SLC5A12: variants seen among roughly 807,000 people sequenced by gnomAD.
The protein encoded by SLC5A12 is sodium-coupled monocarboxylate transporter 2.
A neutral mutation model predicts 72.7 loss-of-function variants in SLC5A12; 46 were observed. That is an observed-to-expected ratio of 0.63 (90% confidence interval 0.50 to 0.81). SLC5A12 has a LOEUF of 0.81. Among genes scored for constraint, SLC5A12 ranks in the 30% least tolerant of loss-of-function variants. SLC5A12 has a pLI of 0.00. For missense variants in SLC5A12, 683 were observed against 740.7 expected, an observed-to-expected ratio of 0.92 and a Z score of 0.90; for synonymous variants, 275 against 264.4, an observed-to-expected ratio of 1.04 and a Z score of -0.39.
At chr11:26,685,084 T>C (rs1371748865) in intron 10 of SLC5A12, among the ~76,000 whole-genome samples, 1 of 152,156 alleles carries the variant, frequency 6.6e-6, no homozygotes, top group African/African-American at 2.4e-5. Flanking sequence ...ACAAGTTCTT[T>C]TATGTAGACA....
rs1159122908 is a variant in SLC5A12, at chr11:26,709,302, A to G, written c.525+10T>C. ...TAGTGTTAAATACTTCTTCACAGCT[A>G]GATACATACCAGGGTACAGTAGAAT... On this transcript the variant is annotated intron_variant, in intron 4 of 14. Transcript: ENST00000396005. 5.6e-6 allele frequency: 9 copies of G among 1,603,560 alleles called. No individual in the cohort carries two copies. The highest frequency in any genetic ancestry group is 7.7e-6 in the Non-Finnish European group (9 of 1,172,384).
intron 9 of SLC5A12, chr11:26,692,025 G>A (rs1167675995): frequency 6.4e-6 from 1 of 156,978 alleles, no homozygotes; most frequent in East Asian, 1.9e-4. Context: ...AGTTTGCAGG[G>A]GTGTCCAATC....
rs1855010486 is a variant in SLC5A12, at chr11:26,703,470, TATA to T, written c.821+58_821+60del. On this transcript the variant is annotated intron_variant, in intron 6 of 14. Transcript: ENST00000396005. ...CACCCCCCAAGAGGAAGTATTAATA[TATA>T]ATAAGTACCAAATAAGGTAAGATAA... The T allele has an allele frequency of 2.6e-6, 4 of 1,531,218 alleles. No individual in the cohort carries two copies. The Admixed American group carries it at 5.1e-5, about 20-fold the overall frequency. The allele number at this position is 1,531,218 out of a possible 1,614,324, so 94.9% of individuals were successfully genotyped here.
chr11:26,695,257 G>A (rs897348364), intron 8 of SLC5A12, among the ~76,000 whole-genome samples: 10 of 151,988 alleles, frequency 6.6e-5, no homozygotes, highest in Non-Finnish European at 2.9e-5. Context: ...TAATTAAGAA[G>A]AGGTATCAAA....
intron 3 of SLC5A12, among the ~76,000 whole-genome samples, chr11:26,709,780 G>C (rs1855178133): frequency 6.6e-6 from 1 of 152,012 alleles, no homozygotes; most frequent in Admixed American, 6.6e-5. Flanking sequence ...AAGACTCTTG[G>C]GCAGAAAGTC....
rs150563063 is a variant in SLC5A12 at position 26,668,793 on chromosome 11, A to G, written c.*2309T>C. 896 of 152,154 alleles carry G rather than the reference A, an allele frequency of 5.9e-3. 11 individuals carry two copies. Among genetic ancestry groups the G allele is most frequent in the African/African-American group, 0.021 (859 of 41,542 alleles). 9.4% of individuals were successfully genotyped at this position (152,154 alleles called of 1,614,324 possible). A position where few individuals can be genotyped will look rare whatever the true frequency, so the allele number is the denominator to read the frequency against. Reference sequence around the variant, plus strand: ...AATTTCATTACACAAGAGAAGGCAGAGATATTTTTATAATAATAATTGCAT... The same window carrying G: ...AATTTCATTACACAAGAGAAGGCAGGGATATTTTTATAATAATAATTGCAT... On this transcript the variant is annotated 3_prime_UTR_variant, in exon 15 of 15. Transcript: ENST00000396005.
intron 14 of SLC5A12, among the ~76,000 whole-genome samples, chr11:26,672,190 C>T (rs957988778): frequency 9.2e-5 from 14 of 152,132 alleles, no homozygotes; most frequent in African/African-American, 3.4e-4. Context: ...ACGTGGTGCT[C>T]TTGCCTCCTG....
chr11:26,723,025 G>A (rs1855509311), upstream of SLC5A12, among the ~76,000 whole-genome samples: 1 of 150,916 alleles, frequency 6.6e-6, no homozygotes, highest in Admixed American at 6.6e-5. Flanking sequence ...GAGTCTGTCA[G>A]CTGTTCAAAT....
intron 13 of SLC5A12, among the ~76,000 whole-genome samples, chr11:26,676,339 C>A: frequency 7.3e-6 from 1 of 137,290 alleles, no homozygotes. Flanking sequence ...AATAAATGGG[C>A]AAGCTCTGTT....
At chr11:26,692,896 C>T (rs1232833496) in intron 8 of SLC5A12, among the ~76,000 whole-genome samples, 2 of 151,566 alleles carry the variant, frequency 1.3e-5, no homozygotes, top group Non-Finnish European at 2.9e-5. Flanking sequence ...TAGCAGGCAG[C>T]ACCAGAGGAA....
At chr11:26,695,371 C>A (rs1213632186) in intron 8 of SLC5A12, among the ~76,000 whole-genome samples, 4 of 151,926 alleles carry the variant, frequency 2.6e-5, no homozygotes, top group Non-Finnish European at 5.9e-5. Flanking sequence ...TACTAGTTTA[C>A]AAAGAAAATA....
chr11:26,696,917 T>C (rs1854830196), intron 8 of SLC5A12, among the ~76,000 whole-genome samples: 1 of 152,202 alleles, frequency 6.6e-6, no homozygotes, highest in Non-Finnish European at 1.5e-5. Context: ...ATCCAGCCCC[T>C]GCAGTTTACT....
intron 2 of SLC5A12, among the ~76,000 whole-genome samples, 162 bp downstream of exon 2, chr11:26,712,479 T>G (rs555472541): frequency 9.2e-5 from 14 of 152,218 alleles, no homozygotes; most frequent in African/African-American, 3.4e-4. Context: ...AATATACATT[T>G]GTTTGTTATT....
In SLC5A12 at chr11:26,669,357, T is replaced by C. The variant is rs1370157252; in HGVS notation, c.*1745A>G. On this transcript the variant is annotated 3_prime_UTR_variant, in exon 15 of 15. Transcript: ENST00000396005. The stretch of plus-strand genomic sequence containing the variant: ...TGTCACAAATCATTTGGAAAATAAT[T>C]GCACCTCTCAATTTGCAAATCCTTA... The C allele has an allele frequency of 6.6e-6, 1 of 151,754 alleles. No homozygotes were observed. The highest frequency in any genetic ancestry group is 2.4e-5 in the African/African-American group (1 of 41,368). The allele number at this position is 151,754 out of a possible 1,614,324, so 9.4% of individuals were successfully genotyped here. A position where few individuals can be genotyped will look rare whatever the true frequency, so the allele number is the denominator to read the frequency against.
Position 26,671,124 on chromosome 11 carries a change from G to T in SLC5A12, c.1835C>A (p.Ala612Glu). The T allele has an allele frequency of 6.2e-7, 1 of 1,611,976 alleles. No homozygotes were observed. The highest frequency in any genetic ancestry group is 8.5e-7 in the Non-Finnish European group (1 of 1,178,920). The change falls in exon 15 of 15, where the codon GCA (alanine) becomes GAA (glutamate). Residue 612 changes from alanine to glutamate, a missense_variant. By Grantham distance (107) the Ala-to-Glu change is moderately radical (BLOSUM62 -1). Transcript: ENST00000396005. ...GCCTTAGAAATGGGTAGTCTCAAATGCCATATTGTTGTAGCTTTTGTCCTT... is the reference window on the plus strand; with the variant it reads ...GCCTTAGAAATGGGTAGTCTCAAATTCCATATTGTTGTAGCTTTTGTCCTT... ...DPKDKSYNNMAFETTHF is the reference protein window; with the variant it reads ...DPKDKSYNNMEFETTHF
chr11:26,673,547 A>G lies in SLC5A12; in HGVS notation c.1580-18T>C, dbSNP rs1854195156. 1 of 1,591,500 alleles carries G rather than the reference A, an allele frequency of 6.3e-7. No individual in the cohort carries two copies. Among genetic ancestry groups the G allele is most frequent in the Non-Finnish European group, 8.5e-7 (1 of 1,170,174 alleles). ...TTGGCGACCTATTAACAAAAGAACA[A>G]ATAGATTAGATGGTTGCAGGCCTCC... On this transcript the variant is annotated intron_variant, in intron 13 of 14. Coordinates refer to ENST00000396005, the MANE Select transcript of SLC5A12 (RefSeq NM_178498.4).
chr11:26,709,308 A>G lies in SLC5A12; in HGVS notation c.525+4T>C. 1 of 1,607,560 alleles carries G rather than the reference A, an allele frequency of 6.2e-7. No individual in the cohort carries two copies. Among genetic ancestry groups the G allele is most frequent in the Non-Finnish European group, 8.5e-7 (1 of 1,175,728 alleles). ...TAAATACTTCTTCACAGCTAGATACATACCAGGGTACAGTAGAATGTGCAA... is the reference window on the plus strand; with the variant it reads ...TAAATACTTCTTCACAGCTAGATACGTACCAGGGTACAGTAGAATGTGCAA... On this transcript the variant is annotated splice_donor_region_variant and intron_variant, in intron 4 of 14. Transcript: ENST00000396005.
chr11:26,668,374 T>A lies in SLC5A12; in HGVS notation c.*2728A>T, dbSNP rs138225846. The stretch of plus-strand genomic sequence containing the variant: ...CCCCTCTAAAACTCATCATTCCTAG[T>A]GCCATTTATTGAGAATGTCTCTGGT... On this transcript the variant is annotated 3_prime_UTR_variant, in exon 15 of 15. Coordinates refer to ENST00000396005, the MANE Select transcript of SLC5A12 (RefSeq NM_178498.4). 1 of 152,148 alleles carries A rather than the reference T, an allele frequency of 6.6e-6. No homozygotes were observed. The highest frequency in any genetic ancestry group is 2.4e-5 in the African/African-American group (1 of 41,546). The allele number at this position is 152,148 out of a possible 1,614,324, so 9.4% of individuals were successfully genotyped here. A position where few individuals can be genotyped will look rare whatever the true frequency, so the allele number is the denominator to read the frequency against.
In SLC5A12 at chr11:26,668,762, G is replaced by A. The variant is rs1318579848; in HGVS notation, c.*2340C>T. The A allele has an allele frequency of 1.3e-5, 2 of 151,900 alleles. No individual in the cohort carries two copies. Among genetic ancestry groups the A allele is most frequent in the Non-Finnish European group, 2.9e-5 (2 of 67,954 alleles). The allele number at this position is 151,900 out of a possible 1,614,324, so 9.4% of individuals were successfully genotyped here. A position where few individuals can be genotyped will look rare whatever the true frequency, so the allele number is the denominator to read the frequency against. ...ATCTCTTGAAATGTCATCTCCTAAT[G>A]CCATAAATTTCATTACACAAGAGAA... On this transcript the variant is annotated 3_prime_UTR_variant, in exon 15 of 15. Coordinates refer to ENST00000396005, the MANE Select transcript of SLC5A12 (RefSeq NM_178498.4).
Sources: gnomAD v4.1 joint callset for allele counts (sites outside exome capture counted in the v4.1 genomes callset) on GRCh38, gnomAD v4.1.1 for gene constraint, MANE v1.5 for transcripts, NCBI Gene and HGNC (gene_info 2026-07-23, HGNC 2026-07-21) for gene names.